The following SPAG16 variants were observed in gnomAD, a reference collection of about 807,000 sequenced individuals.
SPAG16 encodes sperm-associated antigen 16 protein.
In SPAG16, 86 loss-of-function variants were observed where a neutral mutation model predicts 80.4. The observed-to-expected ratio is 1.07, with a 90% confidence interval of 0.90 to 1.28. The LOEUF (loss-of-function observed/expected upper bound fraction) is 1.28, where lower values mean the gene tolerates loss of function less well. Ranked by LOEUF, SPAG16 falls within the 50% of genes most tolerant of loss-of-function variation. The pLI is 0.00. For synonymous variants in SPAG16, 294 were observed against 265.9 expected (o/e 1.11, Z -1.03); for missense variants, 870 against 765.3 (o/e 1.14, Z -1.61).
At chr2:213,884,022 A>C (rs1272964939) in intron 11 of SPAG16, among the ~76,000 whole-genome samples, 4 of 151,998 alleles carry the variant, frequency 2.6e-5, no homozygotes, top group African/African-American at 9.7e-5. Context: ...ATTAGTATGG[A>C]TATGTGAGAT....
rs141386686 is a variant in SPAG16, at chr2:213,712,191, C to T, written c.1071-150294C>T. On this transcript the variant is annotated intron_variant, in intron 10 of 15. Coordinates refer to ENST00000331683, the MANE Select transcript of SPAG16 (RefSeq NM_024532.5). ...TACATATAAGTATACGTGTAATAGC[C>T]GCAGGTATTTCAGTCCATCTATAAA... 8.0e-3 allele frequency among the ~76,000 whole-genome samples: 1,219 copies of T among 151,972 alleles called. 16 individuals are homozygous for T. Among genetic ancestry groups the T allele is most frequent in the African/African-American group, 0.028 (1,148 of 41,410 alleles).
At chr2:213,422,975 G>A (rs965959414) in intron 9 of SPAG16, among the ~76,000 whole-genome samples, 7 of 152,228 alleles carry the variant, frequency 4.6e-5, no homozygotes, top group African/African-American at 1.4e-4. Flanking sequence ...CAGCAAGGCT[G>A]TCTTCTCTAG....
chr2:213,922,544 C>T (rs954666029), intron 11 of SPAG16, among the ~76,000 whole-genome samples: 9 of 152,100 alleles, frequency 5.9e-5, no homozygotes, highest in African/African-American at 2.2e-4. Flanking sequence ...GATATTTCAG[C>T]CTGGTTAAGA....
intron 15 of SPAG16, among the ~76,000 whole-genome samples, chr2:214,172,445 A>G (rs988244846): frequency 1.3e-5 from 2 of 152,060 alleles, no homozygotes; most frequent in Middle Eastern, 3.4e-3. Flanking sequence ...TTATGGCTGC[A>G]CTGCATAGTA....
chr2:213,791,624 A>T (rs756662565), intron 10 of SPAG16, among the ~76,000 whole-genome samples: 2 of 152,166 alleles, frequency 1.3e-5, no homozygotes, highest in Non-Finnish European at 2.9e-5. Flanking sequence ...TGTGCATTCT[A>T]ATCCTAAACA....
chr2:214,254,858 T>A (rs1690570076), intron 15 of SPAG16, among the ~76,000 whole-genome samples: 1 of 151,972 alleles, frequency 6.6e-6, no homozygotes. Flanking sequence ...TTTTTATGAA[T>A]TGTAAAAATC....
intron 10 of SPAG16, among the ~76,000 whole-genome samples, chr2:213,518,440 A>C (rs982481286): frequency 1.3e-5 from 2 of 152,104 alleles, no homozygotes; most frequent in Non-Finnish European, 2.9e-5. Context: ...TTTCCTGTAG[A>C]GACAAGGTTT....
At chr2:213,767,771 A>C (rs2077974) in intron 10 of SPAG16, among the ~76,000 whole-genome samples, 7 of 152,058 alleles carry the variant, frequency 4.6e-5, no homozygotes, top group African/African-American at 1.7e-4. Context: ...CTCCACTGGA[A>C]TAACTTAAAA....
chr2:213,805,583 T>C (rs2071717686), intron 10 of SPAG16, among the ~76,000 whole-genome samples: 1 of 152,178 alleles, frequency 6.6e-6, no homozygotes, highest in African/African-American at 2.4e-5. Context: ...TTTCCTATTA[T>C]TGAAATTATA....
intron 15 of SPAG16, among the ~76,000 whole-genome samples, chr2:214,280,197 A>G (rs1692813220): frequency 6.6e-6 from 1 of 152,200 alleles, no homozygotes; most frequent in Non-Finnish European, 1.5e-5. Context: ...GTAATTCACC[A>G]TGCGAACTAA....
intron 15 of SPAG16, among the ~76,000 whole-genome samples, chr2:214,172,894 G>A (rs1342066134): frequency 2.0e-5 from 3 of 152,138 alleles, no homozygotes; most frequent in African/African-American, 7.2e-5. Context: ...CTGCATAAAT[G>A]TCTTCTTTTG....
intron 13 of SPAG16, among the ~76,000 whole-genome samples, chr2:214,080,598 ACT>A (rs1443674885): frequency 2.0e-5 from 3 of 147,084 alleles, no homozygotes; most frequent in African/African-American, 5.0e-5. Flanking sequence ...ACAGAGCGAG[ACT>A]CTGTCTCAAA....
rs575828556 is a variant in SPAG16 at position 213,531,217 on chromosome 2, G to C, written c.1070+41127G>C. Among the ~76,000 whole-genome samples, 5 of 152,238 alleles carry C rather than the reference G, an allele frequency of 3.3e-5. No homozygotes were observed. In the South Asian group the frequency reaches 1.0e-3, roughly 32 times the overall value. ...AGGTCTTTGAGCACCTTTCATAGAT[G>C]TGCAATGTGCTCAGGCTTCAATTTG... On this transcript the variant is annotated intron_variant, in intron 10 of 15. Coordinates refer to ENST00000331683, the MANE Select transcript of SPAG16 (RefSeq NM_024532.5).
intron 11 of SPAG16, among the ~76,000 whole-genome samples, chr2:213,881,986 T>G (rs945711262): frequency 3.9e-5 from 6 of 152,358 alleles, no homozygotes; most frequent in Middle Eastern, 3.4e-3. Context: ...AGATGATTCA[T>G]TATTTTGAGG....
chr2:213,795,344 G>A (rs1442393680), intron 10 of SPAG16, among the ~76,000 whole-genome samples: 1 of 152,092 alleles, frequency 6.6e-6, no homozygotes, highest in African/African-American at 2.4e-5. Flanking sequence ...TAATGTAATT[G>A]ACAAATACAC....
chr2:214,032,661 ATGT>A (rs1559714402), intron 13 of SPAG16, among the ~76,000 whole-genome samples: 3 of 152,050 alleles, frequency 2.0e-5, no homozygotes, highest in African/African-American at 7.3e-5. Flanking sequence ...GGGAAATCAC[ATGT>A]TGTAAGGCCT....
chr2:214,212,105 C>T (rs1031136181), intron 15 of SPAG16, among the ~76,000 whole-genome samples: 1 of 152,132 alleles, frequency 6.6e-6, no homozygotes, highest in Non-Finnish European at 1.5e-5. Context: ...AGTGAATTCA[C>T]ATTACATTTA....
At chr2:213,926,283 G>A (rs1413959062) in intron 11 of SPAG16, among the ~76,000 whole-genome samples, 2 of 151,992 alleles carry the variant, frequency 1.3e-5, no homozygotes, top group South Asian at 2.1e-4. Flanking sequence ...GGTGGTGTTT[G>A]GTTACATGAG....
chr2:213,694,006 T>A (rs1299108389), intron 10 of SPAG16, among the ~76,000 whole-genome samples: 6 of 149,132 alleles, frequency 4.0e-5, no homozygotes, highest in African/African-American at 1.3e-4. Context: ...TAATAAATAC[T>A]GAAATGTACT....
Sources: allele counts gnomAD v4.1 joint callset (sites outside exome capture counted in the v4.1 genomes callset), GRCh38; gene constraint gnomAD v4.1.1; transcripts MANE v1.5; gene names NCBI Gene and HGNC (gene_info 2026-07-23, HGNC 2026-07-21).